The following SEM1 variants were observed in gnomAD, a reference collection of about 807,000 sequenced individuals.
The protein encoded by SEM1 is 26S proteasome complex subunit SEM1.
SEM1 carries 3 observed loss-of-function variants against 12.7 expected under a neutral mutation model. The observed-to-expected ratio is 0.24, with a 90% CI of 0.11 to 0.61. The LOEUF (loss-of-function observed/expected upper bound fraction) is 0.61, where lower values mean the gene tolerates loss of function less well. SEM1 is among the 20% of genes least tolerant of loss of function. The pLI, the probability that SEM1 is intolerant of heterozygous loss-of-function variation, is 0.88. For missense variants in SEM1, 59 were observed against 81.3 expected (o/e 0.73, Z 1.06); for synonymous variants, 30 against 27.8 (o/e 1.08, Z -0.25).
chr7:96,523,759 T>A (rs1804359041), intron 2 of SEM1, among the ~76,000 whole-genome samples: 1 of 152,116 alleles, frequency 6.6e-6, no homozygotes, highest in Non-Finnish European at 1.5e-5. Flanking sequence ...GGCTCCTTCA[T>A]TATCAACTCC....
chr7:96,687,619 T>A (rs934285575), downstream of SEM1, among the ~76,000 whole-genome samples: 2 of 150,712 alleles, frequency 1.3e-5, no homozygotes, highest in African/African-American at 4.9e-5. Context: ...AACATCACAC[T>A]CTGGGGACTG....
chr7:96,671,453 C>A (rs139055561), downstream of SEM1, among the ~76,000 whole-genome samples: 268 of 152,116 alleles, frequency 1.8e-3, no homozygotes, highest in African/African-American at 6.3e-3. Context: ...TAAAGACAAT[C>A]CCCACCCATG....
intron 1 of SEM1, among the ~76,000 whole-genome samples, chr7:96,488,109 T>C (rs917628571): frequency 6.6e-6 from 1 of 152,102 alleles, no homozygotes; most frequent in Admixed American, 6.6e-5. Flanking sequence ...ATCATCCCTA[T>C]TGTTAAACCA....
chr7:96,530,581 C>T (rs527943113), intron 2 of SEM1, among the ~76,000 whole-genome samples: 100 of 152,190 alleles, frequency 6.6e-4, no homozygotes, highest in Admixed American at 1.3e-3. Context: ...CCTCAGGTAT[C>T]GGGGCATCAG....
intron 2 of SEM1, among the ~76,000 whole-genome samples, chr7:96,558,457 G>A (rs936803825): frequency 6.6e-6 from 1 of 152,168 alleles, no homozygotes; most frequent in African/African-American, 2.4e-5. Context: ...TTAATCAGCT[G>A]AGCAAAGTAG....
At chr7:96,706,972 A>G (rs1267477478) in intron 1 of SEM1, among the ~76,000 whole-genome samples, 1 of 152,276 alleles carries the variant, frequency 6.6e-6, no homozygotes, top group Non-Finnish European at 1.5e-5. Context: ...GTACAGAAAG[A>G]ACTTGAAAGT....
chr7:96,549,326 G>A (rs1188466512), intron 2 of SEM1, among the ~76,000 whole-genome samples: 4 of 152,268 alleles, frequency 2.6e-5, no homozygotes, highest in South Asian at 2.1e-4. Context: ...ATAGCACCAT[G>A]TCTGCTGAGA....
Position 96,494,480 on chromosome 7 carries a change from C to T in SEM1, c.12+1804G>A, listed in dbSNP as rs1803160253. Reference sequence around the variant, plus strand: ...GAAGGGCTTAGGAGGAACAGTTTCACACCTTATAGTAATTTCATAAATGCA... The same window carrying T: ...GAAGGGCTTAGGAGGAACAGTTTCATACCTTATAGTAATTTCATAAATGCA... On this transcript the variant is annotated intron_variant, in intron 1 of 3. Transcript: ENST00000356686. 3.3e-5 allele frequency among the ~76,000 whole-genome samples: 5 copies of T among 152,152 alleles called. No homozygotes were observed. In the South Asian group the frequency reaches 1.0e-3, roughly 32 times the overall value.
At chr7:96,666,033 G>A (rs749452469) in intron 2 of SEM1, among the ~76,000 whole-genome samples, 61 of 152,272 alleles carry the variant, frequency 4.0e-4, no homozygotes, top group Non-Finnish European at 6.0e-4. Flanking sequence ...TAGCAAGTGG[G>A]AAAAAAGCTG....
At chr7:96,624,370 G>A (rs1807992735) in intron 2 of SEM1, among the ~76,000 whole-genome samples, 1 of 152,122 alleles carries the variant, frequency 6.6e-6, no homozygotes, top group South Asian at 2.1e-4. Flanking sequence ...TCCTCATTTT[G>A]TCAAGAGAGT....
In SEM1 at chr7:96,640,505, A is replaced by G. The variant is rs1009489193; in HGVS notation, c.171-17862T>C. Among the ~76,000 whole-genome samples the G allele has an allele frequency of 6.6e-6, 1 of 151,990 alleles. No homozygotes were observed. Among genetic ancestry groups the G allele is most frequent in the African/African-American group, 2.4e-5 (1 of 41,420 alleles). ...CCACATACTGTATGATTCCAACTAT[A>G]TGACATTCTGGAAAAGCCAAAGCTA... On this transcript the variant is annotated intron_variant, in intron 2 of 2. Coordinates refer to the SEM1 transcript ENST00000417009. The surrounding 1 kb of genome is among the most constrained non-coding windows in gnomAD (Gnocchi z 4.0).
intron 1 of SEM1, among the ~76,000 whole-genome samples, chr7:96,701,209 A>G (rs1035292666): frequency 1.3e-5 from 2 of 152,076 alleles, no homozygotes; most frequent in African/African-American, 4.8e-5. Context: ...CATATGTATC[A>G]TTGTTCTGGA....
chr7:96,578,593 A>G (rs532566556), intron 2 of SEM1, among the ~76,000 whole-genome samples: 2 of 152,354 alleles, frequency 1.3e-5, no homozygotes, highest in South Asian at 2.1e-4. Context: ...CAAAGAAAAA[A>G]TGATCCCTAA....
chr7:96,622,043 CAGG>C (rs1238651151), downstream of SEM1: 2 of 152,484 alleles, frequency 1.3e-5, no homozygotes, highest in East Asian at 3.9e-4. Flanking sequence ...AACCAAGTAT[CAGG>C]AGAAGTAAGC....
At chr7:96,513,104 G>A (rs372752465) in intron 2 of SEM1, among the ~76,000 whole-genome samples, 86 of 152,150 alleles carry the variant, frequency 5.7e-4, no homozygotes, top group African/African-American at 1.8e-3. Context: ...CAATATAACC[G>A]TGTCCTTATA....
At chr7:96,518,416 ATGT>A (rs896324699) in intron 2 of SEM1, among the ~76,000 whole-genome samples, 2 of 152,168 alleles carry the variant, frequency 1.3e-5, no homozygotes, top group Non-Finnish European at 2.9e-5. Context: ...CAAAAGTATA[ATGT>A]TGTCATTAAG....
intron 2 of SEM1, among the ~76,000 whole-genome samples, chr7:96,567,496 A>AT (rs71127461): frequency 0.55 from 82,931 of 150,448 alleles, 24,609 homozygotes; most frequent in Non-Finnish European, 0.68. Context: ...AAACCTTTGT[A>AT]TTTTTTTTCC....
chr7:96,636,804 C>G (rs1808441686), intron 2 of SEM1, among the ~76,000 whole-genome samples: 1 of 152,008 alleles, frequency 6.6e-6, no homozygotes, highest in African/African-American at 2.4e-5. Context: ...CCACTCCTCT[C>G]TGTTTTACAT....
At chr7:96,621,101 C>G (rs1807879026), downstream of SEM1, among the ~76,000 whole-genome samples, 1 of 152,076 alleles carries the variant, frequency 6.6e-6, no homozygotes, top group Non-Finnish European at 1.5e-5. Context: ...TGAGAATCTA[C>G]TGTACATAAT....
Sources: allele counts gnomAD v4.1 joint callset (sites outside exome capture counted in the v4.1 genomes callset), GRCh38; gene constraint gnomAD v4.1.1; non-coding constraint Gnocchi (gnomAD v3.1); transcripts MANE v1.5; gene names NCBI Gene and HGNC (gene_info 2026-07-23, HGNC 2026-07-21).